The following AMBN variants were observed in gnomAD, a reference collection of about 807,000 sequenced individuals.
AMBN encodes ameloblastin.
In AMBN, 54 loss-of-function variants were observed where a neutral mutation model predicts 48.0. The ratio of observed to expected loss-of-function variants is 1.12; its 90% confidence interval spans 0.90 to 1.41. The LOEUF (loss-of-function observed/expected upper bound fraction) is 1.41. Ranked by LOEUF, AMBN falls within the 40% of genes most tolerant of loss-of-function variation. AMBN has a pLI of 0.00. For missense variants in AMBN, 571 were observed against 547.3 expected (o/e 1.04, Z -0.43); for synonymous variants, 186 against 190.0 (o/e 0.98, Z 0.17).
Position 70,606,466 on chromosome 4 carries a change from C to A in AMBN, c.1080C>A (p.Asp360Glu). ...HAGLLALPKDDIPGLPRSPSG... is the reference protein window; with the variant it reads ...HAGLLALPKDEIPGLPRSPSG... ...GGCTCCTTGCTCTCCCTAAGGATGA[C>A]ATTCCCGGCCTGCCAAGGAGCCCTT... is the stretch of plus-strand genomic sequence containing the variant. Residue 360 changes from aspartate to glutamate, a missense_variant, in exon 13 of 13, where the codon GAC becomes GAA. Physicochemically the swap from Asp to Glu is conservative, Grantham distance 45. Coordinates refer to ENST00000322937, the MANE Select transcript of AMBN (RefSeq NM_016519.6). The A allele has an allele frequency of 6.2e-7, 1 of 1,613,988 alleles. No homozygotes were observed. The highest frequency in any genetic ancestry group is 8.5e-7 in the Non-Finnish European group (1 of 1,179,978).
chr4:70,601,458 C>A lies in AMBN; in HGVS notation c.335C>A (p.Ser112Ter), dbSNP rs373881695. The A allele has an allele frequency of 3.7e-6, 6 of 1,614,102 alleles. No individual in the cohort carries two copies. The highest frequency in any genetic ancestry group is 5.1e-6 in the Non-Finnish European group (6 of 1,180,020). The change falls in exon 6 of 13, where the codon TCA (serine) becomes TAA (stop). Residue 112 changes from serine to a stop codon, truncating the protein, a stop_gained. Transcript: ENST00000322937. LOFTEE classifies it high-confidence loss of function. ...CCTGTGCATCCCCCACCTCTCCCATCACAGCCATCCTTGAAGCCTCAACAG... is the reference window on the plus strand; with the variant it reads ...CCTGTGCATCCCCCACCTCTCCCATAACAGCCATCCTTGAAGCCTCAACAG... ...SLPVHPPPLP[S>*]QPSLKPQQPG...
Position 70,606,856 on chromosome 4 carries a change from T to A in AMBN, c.*126T>A. 1 of 1,067,942 alleles carries A rather than the reference T, an allele frequency of 9.4e-7. No individual in the cohort carries two copies. Among genetic ancestry groups the A allele is most frequent in the Non-Finnish European group, 1.3e-6 (1 of 755,818 alleles). The allele number at this position is 1,067,942 out of a possible 1,614,324, so 66.2% of individuals were successfully genotyped here. A position where few individuals can be genotyped will look rare whatever the true frequency, so the allele number is the denominator to read the frequency against. The stretch of plus-strand genomic sequence containing the variant: ...AGGCATTAAAAGCGCTAAGCATATA[T>A]TAATAAATGCAAGTGGCTAGAAATA... On this transcript the variant is annotated 3_prime_UTR_variant, in exon 13 of 13. Coordinates refer to ENST00000322937, the MANE Select transcript of AMBN (RefSeq NM_016519.6).
rs766064153 is a variant in AMBN at position 70,606,173 on chromosome 4, T to C, written c.799-12T>C. 6.2e-7 allele frequency: 1 copy of C among 1,612,124 alleles called. No homozygotes were observed. Among genetic ancestry groups the C allele is most frequent in the South Asian group, 1.1e-5 (1 of 90,986 alleles). Reference sequence around the variant, plus strand: ...TGATGATGGCATCTTTGACGAATGTTTTTTTTTCCAGGGCGGGAGAGAAGA... The same window carrying C: ...TGATGATGGCATCTTTGACGAATGTCTTTTTTTCCAGGGCGGGAGAGAAGA... On this transcript the variant is annotated splice_polypyrimidine_tract_variant and intron_variant, in intron 12 of 12. Coordinates refer to ENST00000322937, the MANE Select transcript of AMBN (RefSeq NM_016519.6).
At chr4:70,601,387 T>C in intron 5 of AMBN, 31 bp from the exon 6 acceptor site, 1 of 1,607,020 alleles carries the variant, frequency 6.2e-7, no homozygotes, top group Non-Finnish European at 8.5e-7. Context: ...GAGCCATCCC[T>C]TCCTAACACT....
Position 70,606,946 on chromosome 4 carries a change from T to A in AMBN, c.*216T>A, listed in dbSNP as rs1361061425. 1.8e-6 allele frequency: 1 copy of A among 557,804 alleles called. No individual in the cohort carries two copies. The highest frequency in any genetic ancestry group is 3.0e-5 in the East Asian group (1 of 33,878). The allele number at this position is 557,804 out of a possible 1,614,324, so 34.6% of individuals were successfully genotyped here. On this transcript the variant is annotated 3_prime_UTR_variant, in exon 13 of 13. Coordinates refer to ENST00000322937, the MANE Select transcript of AMBN (RefSeq NM_016519.6). Reference sequence around the variant, plus strand: ...AAAATGTGTCAATTGTCTCTGTGATTTAGAAACACTATTAATAACATCAGA... The same window carrying A: ...AAAATGTGTCAATTGTCTCTGTGATATAGAAACACTATTAATAACATCAGA...
rs2109802017 is a variant in AMBN at position 70,599,521 on chromosome 4, T to TA, written c.184-14dup. 6.5e-7 allele frequency: 1 copy of TA among 1,544,782 alleles called. No homozygotes were observed. The highest frequency in any genetic ancestry group is 8.9e-7 in the Non-Finnish European group (1 of 1,129,668). ...ATTTAAATATAAGCATGTCTTTTTT[T>TA]ATCCATGTCTTTAGTATTCTAGATA... On this transcript the variant is annotated splice_polypyrimidine_tract_variant and intron_variant, in intron 4 of 12. Coordinates refer to ENST00000322937, the MANE Select transcript of AMBN (RefSeq NM_016519.6).
chr4:70,596,304 T>C (rs1403882112), intron 2 of AMBN, among the ~76,000 whole-genome samples: 1 of 150,766 alleles, frequency 6.6e-6, no homozygotes, highest in African/African-American at 2.4e-5. Flanking sequence ...AAGGAAAATA[T>C]CTTACATTTT....
intron 12 of AMBN, among the ~76,000 whole-genome samples, chr4:70,605,622 T>C (rs1737622494): frequency 1.3e-5 from 2 of 152,120 alleles, no homozygotes; most frequent in Admixed American, 1.3e-4. Flanking sequence ...ACTTTGTGCT[T>C]TAAAAAAATT....
intron 5 of AMBN, 146 bp downstream of exon 5, chr4:70,599,792 ACTG>A: frequency 1.9e-6 from 1 of 536,908 alleles, no homozygotes; most frequent in Non-Finnish European, 3.2e-6. Flanking sequence ...GAAGCCTATA[ACTG>A]CTTTTAGCGC....
Position 70,599,602 on chromosome 4 carries a change from T to C in AMBN, c.250T>C (p.Ser84Pro). 8 of 1,613,738 alleles carry C rather than the reference T, an allele frequency of 5.0e-6. No individual in the cohort carries two copies. Among genetic ancestry groups the C allele is most frequent in the Non-Finnish European group, 6.8e-6 (8 of 1,179,816 alleles). Residue 84 changes from serine to proline, a missense_variant, in exon 5 of 13, where the codon TCC (serine) becomes CCC (proline). Physicochemically the swap from Ser to Pro is moderately conservative, Grantham distance 74. Coordinates refer to ENST00000322937, the MANE Select transcript of AMBN (RefSeq NM_016519.6). ...LWMHGLLPPH[S>P]SLPWMRPREH... ...GATGCACGGTCTCCTCCCACCACATTCCTCTCTTCCATGGATGAGGCCAAG... is the reference window on the plus strand; with the variant it reads ...GATGCACGGTCTCCTCCCACCACATCCCTCTCTTCCATGGATGAGGCCAAG...
intron 5 of AMBN, 126 bp from the exon 6 acceptor site, chr4:70,601,292 T>C (rs1737514385): frequency 1.0e-6 from 1 of 983,378 alleles, no homozygotes; most frequent in Admixed American, 2.2e-5. Flanking sequence ...TAAACTCAAC[T>C]TCAAGACAAG....
chr4:70,603,100 T>C (rs1737563033), intron 9 of AMBN, 90 bp downstream of exon 9: 1 of 1,446,236 alleles, frequency 6.9e-7, no homozygotes, highest in Admixed American at 2.1e-5. Context: ...GTCCCATTTA[T>C]CCATGAATAT....
At chr4:70,599,718 A>AT in intron 5 of AMBN, 72 bp downstream of exon 5, 1 of 1,172,902 alleles carries the variant, frequency 8.5e-7, no homozygotes, top group Non-Finnish European at 1.2e-6. Flanking sequence ...TCTTTAAGTT[A>AT]TGATATATTA....
At chr4:70,603,162 T>C in intron 9 of AMBN, 98 bp from the exon 10 acceptor site, 2 of 1,364,402 alleles carry the variant, frequency 1.5e-6, no homozygotes, top group South Asian at 1.3e-5. Flanking sequence ...TTATTTTCTA[T>C]ACTAATCCAT....
chr4:70,592,533 AC>A (rs1453070072), intron 1 of AMBN, among the ~76,000 whole-genome samples, 160 bp downstream of exon 1: 1 of 150,844 alleles, frequency 6.6e-6, no homozygotes, highest in Non-Finnish European at 1.5e-5. Context: ...CATGCCTAAC[AC>A]CCATTCAACT....
intron 3 of AMBN, among the ~76,000 whole-genome samples, chr4:70,597,612 GTT>G (rs928271896): frequency 1.2e-4 from 18 of 152,182 alleles, no homozygotes; most frequent in African/African-American, 4.3e-4. Context: ...AATATTGACA[GTT>G]ATATATAGAA....
chr4:70,593,368 C>T lies in AMBN; in HGVS notation c.57C>T (p.Cys19=). The change falls in exon 2 of 13, where the codon TGC becomes TGT. Residue 19 remains cysteine (C), a synonymous_variant. Coordinates refer to ENST00000322937, the MANE Select transcript of AMBN (RefSeq NM_016519.6). ...TGAAGGACCTGATACTGATCCTATG[C>T]CTCCTGGAAATGAGTTTTGCAGTGC... ...FKMKDLILIL[C]LLEMSFAVPF... 1 of 1,612,584 alleles carries T rather than the reference C, an allele frequency of 6.2e-7. No individual in the cohort carries two copies. Among genetic ancestry groups the T allele is most frequent in the Admixed American group, 1.7e-5 (1 of 59,942 alleles).
chr4:70,599,328 C>G (rs1038890224), intron 4 of AMBN, among the ~76,000 whole-genome samples: 13 of 151,892 alleles, frequency 8.6e-5, no homozygotes, highest in African/African-American at 3.1e-4. Flanking sequence ...GTAGACCCAG[C>G]TACTCAGGAG....
Position 70,593,428 on chromosome 4 carries a change from G to A in AMBN, c.84+33G>A, listed in dbSNP as rs556403309. On this transcript the variant is annotated intron_variant, in intron 2 of 12. Transcript: ENST00000322937. ...AGTCTTTAGAGTGTGTCCCAGAAAA[G>A]GTTATTGATTGTCGAACTCCAAACA... 1.9e-6 allele frequency: 3 copies of A among 1,566,564 alleles called. No individual in the cohort carries two copies. In the African/African-American group the frequency reaches 4.1e-5, roughly 21 times the overall value.
Sources: allele counts gnomAD v4.1 joint callset (sites outside exome capture counted in the v4.1 genomes callset), GRCh38; gene constraint gnomAD v4.1.1; transcripts MANE v1.5; gene names NCBI Gene and HGNC (gene_info 2026-07-23, HGNC 2026-07-21).